Variants in SCMH1 observed in about 807,000 individuals in gnomAD.
SCMH1 encodes Scm polycomb group protein homolog 1, also known as polycomb protein SCMH1.
Under a neutral mutation model 70.8 loss-of-function variants are expected in SCMH1, and 37 were observed. The observed-to-expected ratio is 0.52, with a 90% CI of 0.40 to 0.69. The LOEUF is 0.69. SCMH1 is among the 30% of genes least tolerant of loss of function. The pLI is 0.00. For missense variants in SCMH1, 607 were observed against 827.3 expected (o/e 0.73, Z 3.27); for synonymous variants, 292 against 307.4 (o/e 0.95, Z 0.52).
intron 13 of SCMH1, among the ~76,000 whole-genome samples, chr1:41,036,012 A>C (rs551510867): frequency 6.6e-6 from 1 of 152,128 alleles, no homozygotes; most frequent in Non-Finnish European, 1.5e-5. Flanking sequence ...CTCACTTTGA[A>C]TTTTCTAAAT....
intron 1 of SCMH1, among the ~76,000 whole-genome samples, chr1:41,212,235 T>C (rs1022028183): frequency 6.6e-6 from 1 of 152,142 alleles, no homozygotes; most frequent in Non-Finnish European, 1.5e-5. Flanking sequence ...ACAGGATCAT[T>C]ACATAAAGGT....
At chr1:41,195,189 A>C (rs1652737234) in intron 1 of SCMH1, among the ~76,000 whole-genome samples, 1 of 149,974 alleles carries the variant, frequency 6.7e-6, no homozygotes, top group Admixed American at 6.7e-5. Flanking sequence ...GCAGCTTACC[A>C]GGCCGTGTGG....
At chr1:41,034,074 C>A (rs1272024975) in intron 13 of SCMH1, 26 bp from the exon 14 acceptor site, 1 of 1,590,636 alleles carries the variant, frequency 6.3e-7, no homozygotes, top group African/African-American at 1.3e-5. Flanking sequence ...GTTGGTGTCA[C>A]CATCTCCAGT....
intron 12 of SCMH1, among the ~76,000 whole-genome samples, chr1:41,042,042 G>C (rs962544759): frequency 6.6e-6 from 1 of 151,986 alleles, no homozygotes; most frequent in Non-Finnish European, 1.5e-5. Context: ...ACTTGATCTA[G>C]CCACATGTAT....
At chr1:41,198,509 G>C (rs1380115601) in intron 1 of SCMH1, among the ~76,000 whole-genome samples, 2 of 152,060 alleles carry the variant, frequency 1.3e-5, no homozygotes, top group Non-Finnish European at 2.9e-5. Flanking sequence ...TTTAAAATTT[G>C]AATTTTCAAG....
At chr1:41,164,505 C>T (rs1466463165) in intron 2 of SCMH1, among the ~76,000 whole-genome samples, 2 of 152,114 alleles carry the variant, frequency 1.3e-5, no homozygotes, top group South Asian at 2.1e-4. Flanking sequence ...TATTTCACGA[C>T]GGTAGAGACT....
intron 2 of SCMH1, among the ~76,000 whole-genome samples, chr1:41,170,888 A>C (rs1269849578): frequency 6.6e-6 from 1 of 152,208 alleles, no homozygotes; most frequent in Non-Finnish European, 1.5e-5. Context: ...CTGGATTCTT[A>C]GAATCCCACA....
rs981415870 is a variant in SCMH1 at position 41,161,353 on chromosome 1, T to C, written c.82+11A>G. 85 of 1,548,238 alleles carry C rather than the reference T, an allele frequency of 5.5e-5. No homozygotes were observed. The African/African-American group carries it at 1.0e-3, about 19-fold the overall frequency. ...ATTTTTCCACACCAAACGGAGTTTTTTCCCCCTTACCTTGATATTGGGATG... is the reference window on the plus strand; with the variant it reads ...ATTTTTCCACACCAAACGGAGTTTTCTCCCCCTTACCTTGATATTGGGATG... On this transcript the variant is annotated intron_variant, in intron 3 of 14. Coordinates refer to ENST00000337495, the Ensembl canonical transcript of SCMH1.
intron 12 of SCMH1, among the ~76,000 whole-genome samples, chr1:41,040,148 A>G (rs909955787): frequency 2.0e-5 from 3 of 152,110 alleles, no homozygotes; most frequent in South Asian, 2.1e-4. Flanking sequence ...AAAATATACT[A>G]TTGATATGCT....
intron 8 of SCMH1, among the ~76,000 whole-genome samples, chr1:41,106,908 G>A (rs1346814242): frequency 1.3e-5 from 2 of 151,552 alleles, no homozygotes; most frequent in African/African-American, 4.9e-5. Flanking sequence ...CAGGCTGGTC[G>A]CTAACTCTTC....
Position 41,083,034 on chromosome 1 carries a change from C to A in SCMH1, c.746-7583G>T, listed in dbSNP as rs1012067092. Among the ~76,000 whole-genome samples, 368 of 152,284 alleles carry A rather than the reference C, an allele frequency of 2.4e-3. 1 individual carries two copies. The highest frequency in any genetic ancestry group is 8.4e-3 in the African/African-American group (351 of 41,562). On this transcript the variant is annotated intron_variant, in intron 8 of 14. Coordinates refer to ENST00000337495, the Ensembl canonical transcript of SCMH1. The stretch of plus-strand genomic sequence containing the variant: ...GCCAATATCATACTGAATGGGCCAA[C>A]ACTGGAAGCATTCCCTTTGAAAACT...
At chr1:41,057,315 G>A (rs553234736) in intron 10 of SCMH1, among the ~76,000 whole-genome samples, 35 of 152,290 alleles carry the variant, frequency 2.3e-4, no homozygotes, top group Admixed American at 7.8e-4. Context: ...GCCCAGGCCG[G>A]AGTGCAGTGG....
chr1:41,197,557 T>G (rs111269359), intron 1 of SCMH1, among the ~76,000 whole-genome samples: 4 of 152,136 alleles, frequency 2.6e-5, no homozygotes, highest in Non-Finnish European at 5.9e-5. Flanking sequence ...GAGAGTTATA[T>G]TTAATGCGTA....
chr1:41,033,272 TGA>T (rs1246835940), intron 13 of SCMH1, among the ~76,000 whole-genome samples: 1 of 147,690 alleles, frequency 6.8e-6, no homozygotes, highest in East Asian at 2.0e-4. Flanking sequence ...GGTGACACAG[TGA>T]GAGACACTAT....
At chr1:41,204,249 G>A (rs180703405) in intron 1 of SCMH1, among the ~76,000 whole-genome samples, 11 of 152,088 alleles carry the variant, frequency 7.2e-5, no homozygotes, top group East Asian at 1.9e-4. Context: ...TATTTAGTAC[G>A]CCTTAGCAGC....
chr1:41,191,428 A>G (rs1311077758), intron 1 of SCMH1, among the ~76,000 whole-genome samples: 1 of 152,228 alleles, frequency 6.6e-6, no homozygotes, highest in Non-Finnish European at 1.5e-5. Context: ...AATAAGTCCA[A>G]GGTTCACTGC....
At chr1:41,111,527 G>A (rs1217319002) in intron 8 of SCMH1, among the ~76,000 whole-genome samples, 4 of 152,206 alleles carry the variant, frequency 2.6e-5, no homozygotes, top group Non-Finnish European at 5.9e-5. Flanking sequence ...TTTTAGTAGA[G>A]ATGGGGCTTC....
chr1:41,140,976 A>T (rs1057141047), intron 6 of SCMH1, among the ~76,000 whole-genome samples: 8 of 152,356 alleles, frequency 5.3e-5, no homozygotes, highest in Admixed American at 1.3e-4. Context: ...TATGATACTA[A>T]GCAACAACAA....
At chr1:41,174,992 T>C (rs1647017269) in intron 2 of SCMH1, among the ~76,000 whole-genome samples, 1 of 152,174 alleles carries the variant, frequency 6.6e-6, no homozygotes, top group Non-Finnish European at 1.5e-5. Flanking sequence ...GGAGATCAAG[T>C]ATGGCTTAAG....
Sources: allele counts gnomAD v4.1 joint callset (sites outside exome capture counted in the v4.1 genomes callset), GRCh38; gene constraint gnomAD v4.1.1; transcripts MANE v1.5; gene names NCBI Gene and HGNC (gene_info 2026-07-23, HGNC 2026-07-21).